HESX1: variants seen among roughly 807,000 people sequenced by gnomAD.
HESX1 encodes homeobox expressed in ES cells 1.
Under a neutral mutation model 22.5 loss-of-function variants are expected in HESX1, and 11 were observed. The ratio of observed to expected loss-of-function variants is 0.49; its 90% CI spans 0.31 to 0.81. The LOEUF is 0.81. Ranked by LOEUF, HESX1 falls within the 30% of genes least tolerant of loss-of-function variation. HESX1 has a pLI of 0.05. For missense variants in HESX1, 201 were observed against 212.6 expected, an observed-to-expected ratio of 0.95 and a Z score of 0.34; for synonymous variants, 74 against 76.5, an observed-to-expected ratio of 0.97 and a Z score of 0.17.
At chr3:57,225,671 G>T (rs886338552) in intron 1 of HESX1, among the ~76,000 whole-genome samples, 4 of 151,982 alleles carry the variant, frequency 2.6e-5, no homozygotes, top group African/African-American at 9.7e-5. Context: ...GCTGAGTCCG[G>T]CAAGAATTCC....
At chr3:57,201,865 CTATCTATCTATATCTATCTA>C (rs1011632536), upstream of HESX1, among the ~76,000 whole-genome samples, 1 of 96,536 alleles carries the variant, frequency 1.0e-5, no homozygotes, top group African/African-American at 3.2e-5. Context: ...ATATCTATAT[CTATCTATCTATATCTATCTA>C]TCTATCTATC....
chr3:57,210,308 T>C (rs2060546540), intron 1 of HESX1, among the ~76,000 whole-genome samples: 1 of 152,206 alleles, frequency 6.6e-6, no homozygotes, highest in South Asian at 2.1e-4. Flanking sequence ...TTTAGGAACA[T>C]GTAAATCTAT....
At chr3:57,224,904 A>G (rs1579370474) in intron 1 of HESX1, among the ~76,000 whole-genome samples, 1 of 152,324 alleles carries the variant, frequency 6.6e-6, no homozygotes, top group Non-Finnish European at 1.5e-5. Flanking sequence ...ATATATGTGA[A>G]ACATCTCAAA....
chr3:57,203,341 G>A (rs962555022), upstream of HESX1, among the ~76,000 whole-genome samples: 1 of 152,120 alleles, frequency 6.6e-6, no homozygotes, highest in South Asian at 2.1e-4. Flanking sequence ...TGAGGAGAGA[G>A]GGTAGATTTG....
intron 1 of HESX1, among the ~76,000 whole-genome samples, chr3:57,210,912 G>A (rs1217252631): frequency 6.6e-6 from 1 of 152,114 alleles, no homozygotes; most frequent in African/African-American, 2.4e-5. Flanking sequence ...TTGAGATAGG[G>A]CATTCATTTA....
chr3:57,221,605 T>C (rs957172742), intron 1 of HESX1, among the ~76,000 whole-genome samples: 30 of 152,094 alleles, frequency 2.0e-4, no homozygotes, highest in African/African-American at 7.0e-4. Context: ...ATACTTCTTA[T>C]ATATCTATTT....
At chr3:57,226,246 A>G (rs1415969569) in intron 1 of HESX1, 1 of 151,772 alleles carries the variant, frequency 6.6e-6, no homozygotes, top group Non-Finnish European at 1.5e-5. Context: ...AGTTGCCACA[A>G]CCTTTCTTCA....
At chr3:57,218,602 C>T (rs555918974) in intron 1 of HESX1, among the ~76,000 whole-genome samples, 7 of 152,208 alleles carry the variant, frequency 4.6e-5, no homozygotes, top group Non-Finnish European at 7.4e-5. Context: ...CGCCACCACA[C>T]CTGGCTAATT....
In HESX1 at chr3:57,208,382, C is replaced by T. The variant is rs544095497; in HGVS notation, c.-110-8354G>A. 1.5e-4 allele frequency among the ~76,000 whole-genome samples: 23 copies of T among 152,164 alleles called. No homozygotes were observed. In the South Asian group the frequency reaches 1.9e-3, roughly 12 times the overall value. ...TGATTGATTGATTGAGATGGAGTCT[C>T]GCTCTGTTTCCCAGGCTGTAGTGGT... On this transcript the variant is annotated intron_variant, in intron 1 of 2. Coordinates refer to the HESX1 transcript ENST00000495160.
chr3:57,205,802 C>T (rs1161828818), intron 1 of HESX1, among the ~76,000 whole-genome samples: 1 of 152,164 alleles, frequency 6.6e-6, no homozygotes, highest in Non-Finnish European at 1.5e-5. Context: ...CACTTAACCA[C>T]CTTTGGCCAT....
At chr3:57,225,881 C>CTTTTTTTTTTTTT (rs540522007) in intron 1 of HESX1, among the ~76,000 whole-genome samples, 1 of 132,130 alleles carries the variant, frequency 7.6e-6, no homozygotes, top group African/African-American at 2.8e-5. Context: ...CTTTTCTTTT[C>CTTTTTTTTTTTTT]TTTTTTTTTT....
chr3:57,207,578 G>C (rs1033505217), intron 1 of HESX1, among the ~76,000 whole-genome samples: 3 of 152,162 alleles, frequency 2.0e-5, no homozygotes, highest in Non-Finnish European at 4.4e-5. Flanking sequence ...TGTCTGTCTT[G>C]TTGTTTGGGG....
At position 57,198,860 on chromosome 3, in the gene HESX1, CTCTT is replaced by C. The variant is rs769758112; in HGVS notation, c.246_249del (p.Arg83LeufsTer16). ...GAAAAGTAATTTTCATATTTCGAAG[CTCTT>C]TCTTCTGGCATTGGGTGATCCACCA... is the stretch of plus-strand genomic sequence containing the variant. On this transcript the variant is annotated frameshift_variant, in exon 2 of 4. Transcript: ENST00000295934. LOFTEE classifies it high-confidence loss of function. 2 of 1,614,142 alleles carry C rather than the reference CTCTT, an allele frequency of 1.2e-6. No homozygotes were observed.
At chr3:57,202,395 G>A (rs1304296017), upstream of HESX1, among the ~76,000 whole-genome samples, 1 of 152,048 alleles carries the variant, frequency 6.6e-6, no homozygotes, top group African/African-American at 2.4e-5. Context: ...GAGTGCGGTG[G>A]CGTGATCTCG....
chr3:57,203,638 T>C (rs899989544), upstream of HESX1, among the ~76,000 whole-genome samples: 1 of 152,114 alleles, frequency 6.6e-6, no homozygotes, highest in Admixed American at 6.5e-5. Flanking sequence ...CACTGCAACC[T>C]CTACCACCCA....
chr3:57,214,866 T>C (rs1386488997), intron 1 of HESX1, among the ~76,000 whole-genome samples: 1 of 152,154 alleles, frequency 6.6e-6, no homozygotes, highest in Non-Finnish European at 1.5e-5. Flanking sequence ...GATGACCAGA[T>C]GAATGATGGT....
At chr3:57,204,054 T>C (rs2060505295), upstream of HESX1, among the ~76,000 whole-genome samples, 1 of 152,238 alleles carries the variant, frequency 6.6e-6, no homozygotes, top group Non-Finnish European at 1.5e-5. Context: ...GATCAGATCC[T>C]AATCCATCTT....
chr3:57,219,417 G>C (rs1471746375), intron 1 of HESX1, among the ~76,000 whole-genome samples: 20 of 151,810 alleles, frequency 1.3e-4, no homozygotes, highest in African/African-American at 4.6e-4. Context: ...GCCCAGGCTG[G>C]AGTGCAGTGG....
chr3:57,204,134 AG>A (rs1320012318), upstream of HESX1, among the ~76,000 whole-genome samples: 6 of 151,984 alleles, frequency 3.9e-5, no homozygotes, highest in African/African-American at 1.5e-4. Context: ...CAGTTTTGTG[AG>A]AAACATATTC....
Sources: gnomAD v4.1 joint callset for allele counts (sites outside exome capture counted in the v4.1 genomes callset) on GRCh38, gnomAD v4.1.1 for gene constraint, MANE v1.5 for transcripts, NCBI Gene and HGNC (gene_info 2026-07-23, HGNC 2026-07-21) for gene names.